Variants in ACBD5 observed in about 807,000 individuals in gnomAD.
ACBD5 encodes acyl-CoA-binding domain-containing protein 5.
In ACBD5, 40 loss-of-function variants were observed where a neutral mutation model predicts 71.8. The ratio of observed to expected loss-of-function variants is 0.56; its 90% CI spans 0.43 to 0.72. The LOEUF (loss-of-function observed/expected upper bound fraction) is 0.72. Among genes scored for constraint, ACBD5 ranks in the 30% least tolerant of loss-of-function variants. The pLI is 0.00. For missense variants in ACBD5, 559 were observed against 644.5 expected (o/e 0.87, Z 1.44); for synonymous variants, 229 against 218.6 (o/e 1.05, Z -0.42).
At position 27,216,799 on chromosome 10, in the gene ACBD5, C is replaced by T. The variant is rs552591830; in HGVS notation, c.830-1158G>A. Reference sequence around the variant, plus strand: ...CTGTAAGAGAAAACTACCTACCAAGCAGGATGCCTAAATGTAAGATCCAAC... The same window carrying T: ...CTGTAAGAGAAAACTACCTACCAAGTAGGATGCCTAAATGTAAGATCCAAC... On this transcript the variant is annotated intron_variant, in intron 7 of 12. Transcript: ENST00000396271. 8.0e-4 allele frequency among the ~76,000 whole-genome samples: 121 copies of T among 152,196 alleles called. 1 individual carries two copies. The Middle Eastern group carries it at 0.014, about 17-fold the overall frequency.
At chr10:27,222,747 T>C (rs867699345) in intron 5 of ACBD5, among the ~76,000 whole-genome samples, 1 of 132,560 alleles carries the variant, frequency 7.5e-6, no homozygotes, top group South Asian at 2.4e-4. Context: ...ATTTTTGTGT[T>C]TTTTGTAGAG....
Position 27,205,224 on chromosome 10 carries a change from G to T in ACBD5, c.1429C>A (p.Gln477Lys), listed in dbSNP as rs1371798090. 6.2e-7 allele frequency: 1 copy of T among 1,613,044 alleles called. No individual in the cohort carries two copies. The highest frequency in any genetic ancestry group is 1.7e-5 in the Admixed American group (1 of 59,986). Residue 477 changes from glutamine to lysine, a missense_variant, in exon 11 of 13, where the codon CAG becomes AAG. Coordinates refer to ENST00000396271, the MANE Select transcript of ACBD5 (RefSeq NM_145698.5). ...TGTGAGGTGGGCTGAGGAGCAGTCT[G>T]CAATGTTGATGTTGATGATTTTGCC... is the stretch of plus-strand genomic sequence containing the variant. Reference protein sequence around the residue: ...LQAKSSTSTLQTAPQPTSQRP... With the variant: ...LQAKSSTSTLKTAPQPTSQRP...
intron 12 of ACBD5, among the ~76,000 whole-genome samples, chr10:27,199,788 A>G (rs1035076976): frequency 6.6e-6 from 1 of 152,134 alleles, no homozygotes. Flanking sequence ...AGGCTGCTTA[A>G]GAAAACTGGT....
chr10:27,240,774 C>G lies in ACBD5; in HGVS notation c.-86G>C. ...GGGGACCCTGGCGGAGCAGCCACAC[C>G]CCCCATTCCGCCGGAGTCCGTCTGT... On this transcript the variant is annotated 5_prime_UTR_variant, in exon 1 of 13. Coordinates refer to ENST00000396271, the MANE Select transcript of ACBD5 (RefSeq NM_145698.5). The surrounding 1 kb of genome is among the most constrained non-coding windows in gnomAD (Gnocchi z 4.1). 4 of 1,536,370 alleles carry G rather than the reference C, an allele frequency of 2.6e-6. No homozygotes were observed. The highest frequency in any genetic ancestry group is 3.5e-6 in the Non-Finnish European group (4 of 1,134,870).
At chr10:27,212,127 T>C (rs1327506709) in intron 8 of ACBD5, among the ~76,000 whole-genome samples, 1 of 152,124 alleles carries the variant, frequency 6.6e-6, no homozygotes, top group Non-Finnish European at 1.5e-5. Flanking sequence ...GGTAGGCAGA[T>C]CACTTGAGGC....
intron 2 of ACBD5, among the ~76,000 whole-genome samples, chr10:27,235,752 A>G (rs771539293): frequency 1.1e-4 from 16 of 152,220 alleles, no homozygotes; most frequent in Non-Finnish European, 2.1e-4. Context: ...GTAATTTTGG[A>G]GACATCAATT....
In ACBD5 at chr10:27,237,191, T is replaced by C. The variant is rs547056711; in HGVS notation, c.182-1979A>G. On this transcript the variant is annotated intron_variant, in intron 2 of 12. Transcript: ENST00000396271. ...ATATCTTCAGTAAGTCAACCAAATA[T>C]GTTTATTGGCTTAGGTGAATGATAT... is the stretch of plus-strand genomic sequence containing the variant. Among the ~76,000 whole-genome samples the C allele has an allele frequency of 4.0e-4, 59 of 148,228 alleles. 1 individual carries two copies. In the South Asian group the frequency reaches 0.012, roughly 31 times the overall value.
chr10:27,186,663 T>C, intron 13 of ACBD5: 1 of 889,584 alleles, frequency 1.1e-6, no homozygotes, highest in African/African-American at 1.6e-5. Flanking sequence ...GTGCTTTTAA[T>C]GTACGTTACA....
upstream of ACBD5, among the ~76,000 whole-genome samples, chr10:27,241,902 G>GT (rs775654953): frequency 8.4e-4 from 128 of 152,222 alleles, 1 homozygote; most frequent in Non-Finnish European, 3.7e-4. Context: ...TGACTAGGTT[G>GT]TGGGGGGTGG....
intron 13 of ACBD5, among the ~76,000 whole-genome samples, chr10:27,186,124 T>G (rs542129005): frequency 6.6e-6 from 1 of 152,260 alleles, no homozygotes; most frequent in East Asian, 1.9e-4. Context: ...GCTTCTAAGT[T>G]AAGGCAAATC....
downstream of ACBD5, among the ~76,000 whole-genome samples, chr10:27,192,575 G>C (rs1040336881): frequency 3.9e-5 from 6 of 152,106 alleles, no homozygotes; most frequent in Non-Finnish European, 5.9e-5. Flanking sequence ...GAGGAAGAGC[G>C]CTCCAAGGGA....
chr10:27,214,769 G>A (rs79255619), intron 8 of ACBD5, among the ~76,000 whole-genome samples: 10,622 of 152,222 alleles, frequency 0.07, 697 homozygotes, highest in African/African-American at 0.17. Flanking sequence ...ATTCAGGCCA[G>A]CCTTGGTGGC....
chr10:27,240,781 T>C lies in ACBD5; in HGVS notation c.-93A>G, dbSNP rs1466910108. On this transcript the variant is annotated 5_prime_UTR_variant, in exon 1 of 13. Transcript: ENST00000396271. This position sits in a 1 kb window ranked among gnomAD's most constrained non-coding sequence, Gnocchi z 4.1. ...CTGGCGGAGCAGCCACACCCCCCAT[T>C]CCGCCGGAGTCCGTCTGTCAGTCCG... 6.5e-7 allele frequency: 1 copy of C among 1,527,890 alleles called. No homozygotes were observed. Among genetic ancestry groups the C allele is most frequent in the South Asian group, 1.2e-5 (1 of 83,578 alleles). 94.6% of individuals were successfully genotyped at this position (1,527,890 alleles called of 1,614,324 possible). A position where few individuals can be genotyped will look rare whatever the true frequency, so the allele number is the denominator to read the frequency against.
rs768420648 is a variant in ACBD5, at chr10:27,223,352, GA to G, written c.475del (p.Ser159LeufsTer3). The G allele has an allele frequency of 9.3e-6, 15 of 1,612,974 alleles. No homozygotes were observed. Among genetic ancestry groups the G allele is most frequent in the Non-Finnish European group, 1.2e-5 (14 of 1,179,186 alleles). On this transcript the variant is annotated frameshift_variant, in exon 5 of 13. Transcript: ENST00000396271. LOFTEE classifies it high-confidence loss of function. ...IVEDKKSGRS[S>X]DITSDLGNVL... ...AATAGTCCAACCTGAGGTTATATCA[GA>G]ACTCCTGCCACTCTTTTTGTCCTCG...
intron 13 of ACBD5, among the ~76,000 whole-genome samples, chr10:27,189,273 C>T (rs1354792038): frequency 1.3e-5 from 2 of 152,200 alleles, no homozygotes; most frequent in Admixed American, 1.3e-4. Flanking sequence ...GTGATCCACC[C>T]GCCTCAGCCT....
chr10:27,214,014 G>C (rs2061375638), intron 8 of ACBD5, among the ~76,000 whole-genome samples: 1 of 152,176 alleles, frequency 6.6e-6, no homozygotes, highest in East Asian at 1.9e-4. Context: ...CCTGTCATTT[G>C]CAATATGGAT....
chr10:27,190,710 C>A (rs1414744390), downstream of ACBD5, among the ~76,000 whole-genome samples: 2 of 152,196 alleles, frequency 1.3e-5, no homozygotes, highest in Non-Finnish European at 2.9e-5. Flanking sequence ...ATGAGTCATT[C>A]TTTTAACTGT....
At chr10:27,229,130 A>G (rs917898272) in intron 4 of ACBD5, among the ~76,000 whole-genome samples, 14 of 151,614 alleles carry the variant, frequency 9.2e-5, no homozygotes, top group Admixed American at 7.9e-4. Context: ...CGTTAAAAGA[A>G]TTTTTTATTC....
At chr10:27,186,080 C>A (rs1256199588) in intron 13 of ACBD5, among the ~76,000 whole-genome samples, 1 of 147,264 alleles carries the variant, frequency 6.8e-6, no homozygotes, top group Admixed American at 6.6e-5. Context: ...CGGAGCGAGA[C>A]CTCGTCTCAA....
Sources: gnomAD v4.1 joint callset for allele counts (sites outside exome capture counted in the v4.1 genomes callset) on GRCh38, gnomAD v4.1.1 for gene constraint, Gnocchi (gnomAD v3.1) non-coding constraint, MANE v1.5 for transcripts, NCBI Gene and HGNC (gene_info 2026-07-23, HGNC 2026-07-21) for gene names.